The following MAP3K19 variants were observed in gnomAD, a reference collection of about 807,000 sequenced individuals.
The protein encoded by MAP3K19 is SPS1/STE20-related protein kinase YSK4.
MAP3K19 carries 91 observed loss-of-function variants against 114.4 expected under a neutral mutation model. The observed-to-expected ratio is 0.80, with a 90% CI of 0.67 to 0.95. The LOEUF (loss-of-function observed/expected upper bound fraction) is 0.95. MAP3K19 is among the 40% of genes least tolerant of loss of function. MAP3K19 has a pLI of 0.00. For missense variants in MAP3K19, 1,471 were observed against 1,573.2 expected (o/e 0.94, Z 1.10); for synonymous variants, 518 against 530.5 (o/e 0.98, Z 0.32).
chr2:134,983,229 G>A (rs1684831349), intron 11 of MAP3K19: 1 of 533,932 alleles, frequency 1.9e-6, no homozygotes, highest in Admixed American at 1.9e-5. Flanking sequence ...TCACAAAATG[G>A]AAGGAACATC....
In MAP3K19 at chr2:135,027,460, C is replaced by T. The variant is rs531705649; in HGVS notation, c.-94-2719G>A. Among the ~76,000 whole-genome samples, 22 of 152,140 alleles carry T rather than the reference C, an allele frequency of 1.4e-4. No individual in the cohort carries two copies. The South Asian group carries it at 2.3e-3, about 16-fold the overall frequency. On this transcript the variant is annotated intron_variant, in intron 3 of 12. Transcript: ENST00000392915. ...AGGGTAAAAAAGAAGCTTTGTGTCT[C>T]GGTTTACATGTGATTTCTGTAAATA... is the stretch of plus-strand genomic sequence containing the variant.
intron 10 of MAP3K19, among the ~76,000 whole-genome samples, chr2:134,984,964 T>C (rs1159863256): frequency 6.6e-6 from 1 of 152,148 alleles, no homozygotes; most frequent in Non-Finnish European, 1.5e-5. Flanking sequence ...AAAAAAATTA[T>C]TCCTGATCCT....
chr2:135,000,128 A>G (rs552764917), intron 6 of MAP3K19, 113 bp from the exon 7 acceptor site: 1 of 723,436 alleles, frequency 1.4e-6, no homozygotes, highest in South Asian at 1.6e-5. Context: ...TACAAAATGG[A>G]CATTAATCAG....
rs1684644350 is a variant in MAP3K19, at chr2:134,981,354, T to C, written c.3387A>G (p.Thr1129=). 4 of 1,614,234 alleles carry C rather than the reference T, an allele frequency of 2.5e-6. No individual in the cohort carries two copies. The highest frequency in any genetic ancestry group is 3.4e-6 in the Non-Finnish European group (4 of 1,180,042). Residue 1129 remains threonine, a synonymous_variant, in exon 12 of 13, where the codon ACA becomes ACG. Coordinates refer to ENST00000392915, the MANE Select transcript of MAP3K19 (RefSeq NM_025052.5). ...KHVNIVAYLG[T]CLQENTVSIF... ...TGCTCACAGTGTTCTCTTGCAAGCA[T>C]GTCCCCAAATAGGCCACAATGTTGA... is the stretch of plus-strand genomic sequence containing the variant.
chr2:135,009,835 A>G (rs1687095641), intron 5 of MAP3K19, among the ~76,000 whole-genome samples: 1 of 152,160 alleles, frequency 6.6e-6, no homozygotes, highest in Non-Finnish European at 1.5e-5. Flanking sequence ...TGGGATATAA[A>G]TAACCCCCAC....
chr2:135,036,337 T>C (rs1330406959), intron 2 of MAP3K19, among the ~76,000 whole-genome samples: 1 of 152,214 alleles, frequency 6.6e-6, no homozygotes, highest in African/African-American at 2.4e-5. Context: ...GTTTCCTTAT[T>C]TGTTGTGTTT....
At chr2:135,043,153 A>G (rs772878779) in intron 1 of MAP3K19, among the ~76,000 whole-genome samples, 1 of 152,190 alleles carries the variant, frequency 6.6e-6, no homozygotes, top group Non-Finnish European at 1.5e-5. Flanking sequence ...ACCATAGACA[A>G]TGAAAAGGTC....
rs534411495 is a variant in MAP3K19 at position 134,964,731 on chromosome 2, G to A, written c.*119C>T. The A allele has an allele frequency of 2.7e-6, 2 of 740,608 alleles. No individual in the cohort carries two copies. The highest frequency in any genetic ancestry group is 2.8e-5 in the East Asian group (1 of 35,722). The allele number at this position is 740,608 out of a possible 1,614,324, so 45.9% of individuals were successfully genotyped here. ...TTCAGTTAATGACTCCATAGGATCT[G>A]CTTAAACTGGGTTAGACTGAATTTT... On this transcript the variant is annotated 3_prime_UTR_variant, in exon 13 of 13. Coordinates refer to ENST00000392915, the MANE Select transcript of MAP3K19 (RefSeq NM_025052.5).
rs1467382227 is a variant in MAP3K19 at position 134,988,213 on chromosome 2, C to A, written c.659G>T (p.Gly220Val). The change falls in exon 10 of 13, where the codon GGT (glycine) becomes GTT (valine). Residue 220 changes from glycine (G) to valine (V), a missense_variant. Transcript: ENST00000392915. Reference sequence around the variant, plus strand: ...GTGATTTTGGGGGATAGTAAGGACACCAGATCGCGTGGGCAAGAGTGACAG... The same window carrying A: ...GTGATTTTGGGGGATAGTAAGGACAACAGATCGCGTGGGCAAGAGTGACAG... ...PPLSLLPTRS[G>V]VLTIPQNHKF... 2 of 1,599,654 alleles carry A rather than the reference C, an allele frequency of 1.3e-6. No individual in the cohort carries two copies. Among genetic ancestry groups the A allele is most frequent in the Middle Eastern group, 1.7e-4 (1 of 5,972 alleles).
At position 134,987,911 on chromosome 2, in the gene MAP3K19, T is replaced by C; in HGVS notation, c.961A>G (p.Ile321Val). 2 of 1,614,212 alleles carry C rather than the reference T, an allele frequency of 1.2e-6. No individual in the cohort carries two copies. Among genetic ancestry groups the C allele is most frequent in the Middle Eastern group, 3.3e-4 (2 of 6,062 alleles). ...GACTGCCCTTTTTCAAAGTGAGTGA[T>C]TTCAATTTTGTTACATTCTTCTATT... ...KEIEECNKIE[I>V]THFEKGQSLV... Residue 321 changes from isoleucine (I) to valine (V), a missense_variant, in exon 10 of 13, where the codon ATC (isoleucine) becomes GTC (valine). By Grantham distance (29) the Ile-to-Val change is conservative. Coordinates refer to ENST00000392915, the MANE Select transcript of MAP3K19 (RefSeq NM_025052.5).
At chr2:134,982,654 T>C (rs1166851138) in intron 11 of MAP3K19, among the ~76,000 whole-genome samples, 2 of 152,086 alleles carry the variant, frequency 1.3e-5, no homozygotes, top group African/African-American at 4.8e-5. Context: ...CTGGCCTGCC[T>C]CCCAGATTTC....
intron 12 of MAP3K19, among the ~76,000 whole-genome samples, chr2:134,980,078 G>C (rs1299253254): frequency 6.6e-6 from 1 of 152,166 alleles, no homozygotes; most frequent in African/African-American, 2.4e-5. Context: ...GTTGAGCCTT[G>C]CTAGGTAGGT....
Position 134,987,650 on chromosome 2 carries a change from C to T in MAP3K19, c.1222G>A (p.Glu408Lys). The change falls in exon 10 of 13, where the codon GAA becomes AAA. Residue 408 changes from glutamate to lysine, a missense_variant. Physicochemically the swap from Glu to Lys is moderately conservative, Grantham distance 56 (BLOSUM62 1). Transcript: ENST00000392915. ...GCAGCTTTATTATTTCTCATCTCTT[C>T]ATCCTGGCTTGGAGTTATTTCTGAA... is the stretch of plus-strand genomic sequence containing the variant. ...QHSEITPSQDEEMRNNKAASK... is the reference protein window; with the variant it reads ...QHSEITPSQDKEMRNNKAASK... 1 of 1,614,068 alleles carries T rather than the reference C, an allele frequency of 6.2e-7. No homozygotes were observed. Among genetic ancestry groups the T allele is most frequent in the Admixed American group, 1.7e-5 (1 of 60,020 alleles).
intron 8 of MAP3K19, among the ~76,000 whole-genome samples, chr2:134,994,506 GGTATGGCT>G (rs1685843400): frequency 6.6e-6 from 1 of 152,180 alleles, no homozygotes; most frequent in Admixed American, 6.5e-5. Context: ...TAAGGAGCTG[GGTATGGCT>G]GGGAGCAGAA....
rs1317635815 is a variant in MAP3K19 at position 134,986,485 on chromosome 2, AT to A, written c.2386del (p.Met796Ter). 8.7e-6 allele frequency: 14 copies of A among 1,614,194 alleles called. No homozygotes were observed. The highest frequency in any genetic ancestry group is 3.3e-4 in the Middle Eastern group (2 of 6,060). On this transcript the variant is annotated frameshift_variant, in exon 10 of 13. Coordinates refer to ENST00000392915, the MANE Select transcript of MAP3K19 (RefSeq NM_025052.5). LOFTEE classifies it high-confidence loss of function. ...MNLAQTPEQS[M>X]KQNEFPPVSD... ...GACAGGAGGGAATTCATTCTGTTTC[AT>A]GGACTGCTCAGGTGTCTGAGCCAAG...
At chr2:135,005,354 C>T in intron 6 of MAP3K19, 81 bp downstream of exon 6, 1 of 1,064,782 alleles carries the variant, frequency 9.4e-7, no homozygotes, top group Non-Finnish European at 1.5e-6. Context: ...CAAACTTCTA[C>T]AATAAGCCCT....
intron 6 of MAP3K19, 35 bp from the exon 7 acceptor site, chr2:135,000,050 A>C: frequency 7.3e-7 from 1 of 1,378,184 alleles, no homozygotes; most frequent in South Asian, 1.2e-5. Flanking sequence ...GAAGGAAGAA[A>C]GTAATGAATT....
intron 2 of MAP3K19, among the ~76,000 whole-genome samples, chr2:135,037,614 T>G (rs921901803): frequency 1.3e-5 from 2 of 152,188 alleles, no homozygotes; most frequent in African/African-American, 4.8e-5. Flanking sequence ...CTGCAGGTCT[T>G]GTGAGCAAAA....
intron 2 of MAP3K19, among the ~76,000 whole-genome samples, chr2:135,033,518 G>A (rs1410189671): frequency 9.5e-6 from 1 of 105,566 alleles, no homozygotes; most frequent in Admixed American, 9.2e-5. Flanking sequence ...TCCCAGTAGG[G>A]GCAGCCGGGC....
Sources: gnomAD v4.1 joint callset for allele counts (sites outside exome capture counted in the v4.1 genomes callset) on GRCh38, gnomAD v4.1.1 for gene constraint, MANE v1.5 for transcripts, NCBI Gene and HGNC (gene_info 2026-07-23, HGNC 2026-07-21) for gene names.